Variants in TNRC6B observed in about 807,000 individuals in gnomAD.
TNRC6B encodes the protein trinucleotide repeat-containing gene 6B protein.
A neutral mutation model predicts 203.6 loss-of-function variants in TNRC6B; 52 were observed. The ratio of observed to expected loss-of-function variants is 0.26; its 90% CI spans 0.20 to 0.32. The LOEUF (loss-of-function observed/expected upper bound fraction) is 0.32, where lower values mean the gene tolerates loss of function less well. Ranked by LOEUF, TNRC6B falls within the 10% of genes least tolerant of loss-of-function variation. The pLI is 1.00. For missense variants in TNRC6B, 1,923 were observed against 2,286.2 expected (o/e 0.84, Z 3.24); for synonymous variants, 838 against 845.7 (o/e 0.99, Z 0.16).
chr22:40,248,603 G>A (rs1214868404), intron 2 of TNRC6B, among the ~76,000 whole-genome samples: 3 of 152,130 alleles, frequency 2.0e-5, no homozygotes, highest in Admixed American at 2.0e-4. Context: ...AAATAAAGAT[G>A]GTGTGAATGT....
chr22:40,229,358 A>T (rs1161549433), intron 1 of TNRC6B, among the ~76,000 whole-genome samples: 1 of 152,102 alleles, frequency 6.6e-6, no homozygotes, highest in African/African-American at 2.4e-5. Context: ...TGAAATTTCA[A>T]CTGATAAAGG....
intron 1 of TNRC6B, among the ~76,000 whole-genome samples, chr22:40,096,269 G>C (rs1232098630): frequency 1.3e-5 from 2 of 152,114 alleles, no homozygotes; most frequent in Non-Finnish European, 2.9e-5. Context: ...TGGCCATAAG[G>C]AACAGCTTAG....
chr22:40,312,220 C>T (rs1216372209), intron 17 of TNRC6B, among the ~76,000 whole-genome samples: 1 of 152,212 alleles, frequency 6.6e-6, no homozygotes, highest in East Asian at 1.9e-4. Flanking sequence ...TCCCTGCCTT[C>T]AGCCCTGAAG....
intron 1 of TNRC6B, among the ~76,000 whole-genome samples, chr22:40,111,792 A>G (rs1247199543): frequency 6.6e-6 from 1 of 152,182 alleles, no homozygotes; most frequent in African/African-American, 2.4e-5. Flanking sequence ...TCCAGGGGGA[A>G]GCTGTATCTA....
intron 21 of TNRC6B, among the ~76,000 whole-genome samples, chr22:40,319,115 A>C (rs1158776317): frequency 6.6e-6 from 1 of 152,146 alleles, no homozygotes; most frequent in East Asian, 1.9e-4. Flanking sequence ...TATAAAATGA[A>C]TATGGGGGTG....
rs187867722 is a variant in TNRC6B at position 40,306,223 on chromosome 22, C to G, written c.4121-2289C>G. ...CAGGAAAATCGCTTGAACCCAGAGG[C>G]GAAGGTTGCAGTGAGCCAAGATTGT... On this transcript the variant is annotated intron_variant, in intron 15 of 22. Coordinates refer to ENST00000454349, the MANE Select transcript of TNRC6B (RefSeq NM_001162501.2). 4.2e-3 allele frequency among the ~76,000 whole-genome samples: 640 copies of G among 152,168 alleles called. 5 individuals carry two copies. The highest frequency in any genetic ancestry group is 0.01 in the Middle Eastern group (3 of 294).
intron 1 of TNRC6B, among the ~76,000 whole-genome samples, chr22:40,050,884 GC>G (rs1394958494): frequency 6.6e-6 from 1 of 151,656 alleles, no homozygotes; most frequent in Non-Finnish European, 1.5e-5. Flanking sequence ...GAGTGTAGTG[GC>G]GTGATCTCGG....
At chr22:40,095,022 A>G (rs955841008) in intron 1 of TNRC6B, among the ~76,000 whole-genome samples, 3 of 152,108 alleles carry the variant, frequency 2.0e-5, no homozygotes, top group African/African-American at 4.8e-5. Flanking sequence ...ATCATCTCAA[A>G]TCATTATTGA....
intron 3 of TNRC6B, among the ~76,000 whole-genome samples, chr22:40,154,721 G>T (rs1179818844): frequency 1.4e-5 from 2 of 144,722 alleles, no homozygotes; most frequent in Admixed American, 6.9e-5. Context: ...GGTACCTGTA[G>T]TCCCAGCTGC....
intron 1 of TNRC6B, among the ~76,000 whole-genome samples, chr22:40,115,338 C>T (rs1011057560): frequency 8.5e-5 from 13 of 152,140 alleles, no homozygotes; most frequent in Admixed American, 1.3e-4. Flanking sequence ...ATAGTCTCTG[C>T]GGTTGACAAA....
intron 4 of TNRC6B, chr22:40,156,192 A>C (rs769745104): frequency 5.3e-5 from 83 of 1,562,302 alleles, no homozygotes; most frequent in Non-Finnish European, 7.2e-5. Context: ...AGTGAGTCAC[A>C]GTTTATTTAA....
intron 1 of TNRC6B, among the ~76,000 whole-genome samples, chr22:40,059,488 T>C (rs2067829463): frequency 6.6e-6 from 1 of 152,230 alleles, no homozygotes; most frequent in Admixed American, 6.5e-5. Context: ...AGTACCATGC[T>C]GAACAGAAGT....
intron 1 of TNRC6B, among the ~76,000 whole-genome samples, chr22:40,244,251 G>A (rs370979184): frequency 1.4e-4 from 22 of 152,208 alleles, no homozygotes; most frequent in Admixed American, 2.6e-4. Flanking sequence ...GATTTTCTCC[G>A]CGTGTTTCAC....
chr22:40,177,873 C>A (rs954566091), upstream of TNRC6B: 5 of 1,311,398 alleles, frequency 3.8e-6, no homozygotes, highest in African/African-American at 7.6e-5. Context: ...CAAACCTACC[C>A]GAAGTCACAT....
At position 40,281,157 on chromosome 22, in the gene TNRC6B, G is replaced by A. The variant is rs910725425; in HGVS notation, c.3450G>A (p.Gly1150=). 1 of 1,550,668 alleles carries A rather than the reference G, an allele frequency of 6.4e-7. No homozygotes were observed. Among genetic ancestry groups the A allele is most frequent in the Non-Finnish European group, 8.7e-7 (1 of 1,146,572 alleles). ...TCTCCAATCAAGATGGGTGCCTTGG[G>A]GATGAGGCTCCCTGCTCTCCCTTCT... ...LPFSNQDGCL[G]DEAPCSPFSP... Residue 1150 remains glycine (G), a synonymous_variant, in exon 11 of 23, where the codon GGG becomes GGA. Coordinates refer to ENST00000454349, the MANE Select transcript of TNRC6B (RefSeq NM_001162501.2).
At chr22:40,100,491 G>C (rs1452458956) in intron 1 of TNRC6B, among the ~76,000 whole-genome samples, 1 of 151,934 alleles carries the variant, frequency 6.6e-6, no homozygotes, top group African/African-American at 2.4e-5. Flanking sequence ...TGATCCTCCT[G>C]CCCCAGCCTC....
At position 40,266,284 on chromosome 22, in the gene TNRC6B, C is replaced by T. The variant is rs781195673; in HGVS notation, c.2054C>T (p.Ala685Val). The T allele has an allele frequency of 3.1e-6, 5 of 1,591,504 alleles. No individual in the cohort carries two copies. The highest frequency in any genetic ancestry group is 3.6e-5 in the Admixed American group (2 of 55,422). The change falls in exon 5 of 23, where the codon GCC (alanine) becomes GTC (valine). Residue 685 changes from alanine (A) to valine (V), a missense_variant. Transcript: ENST00000454349. ...QMKSGWGELS[A>V]STEWKDPKNT... Reference sequence around the variant, plus strand: ...AAGTCTGGATGGGGGGAGCTCTCAGCCTCTACAGAGTGGAAAGACCCCAAG... The same window carrying T: ...AAGTCTGGATGGGGGGAGCTCTCAGTCTCTACAGAGTGGAAAGACCCCAAG...
intron 1 of TNRC6B, among the ~76,000 whole-genome samples, chr22:40,200,885 G>A (rs1015701017): frequency 6.6e-6 from 1 of 152,152 alleles, no homozygotes; most frequent in African/African-American, 2.4e-5. Flanking sequence ...GCAGTGGAAT[G>A]TGATGGTGGT....
intron 1 of TNRC6B, among the ~76,000 whole-genome samples, chr22:40,048,367 C>T (rs752376641): frequency 2.6e-5 from 4 of 152,076 alleles, no homozygotes; most frequent in Non-Finnish European, 4.4e-5. Flanking sequence ...GGTGAAACCC[C>T]GTCTCTACTA....
Sources: gnomAD v4.1 joint callset for allele counts (sites outside exome capture counted in the v4.1 genomes callset) on GRCh38, gnomAD v4.1.1 for gene constraint, MANE v1.5 for transcripts, NCBI Gene and HGNC (gene_info 2026-07-23, HGNC 2026-07-21) for gene names.